C12orf56: variants seen among roughly 807,000 people sequenced by gnomAD.
The protein encoded by C12orf56 is chromosome 12 open reading frame 56.
In C12orf56, 71 loss-of-function variants were observed where a neutral mutation model predicts 69.9. The ratio of observed to expected loss-of-function variants is 1.02; its 90% CI spans 0.84 to 1.24. The LOEUF (loss-of-function observed/expected upper bound fraction) is 1.24, where lower values mean the gene tolerates loss of function less well. C12orf56 is among the 50% of genes most tolerant of loss of function. The probability of loss-of-function intolerance (pLI) is 0.00; values close to 1 mark genes in which losing one functional copy is unlikely to be tolerated. For synonymous variants in C12orf56, 276 were observed against 274.1 expected (o/e 1.01, Z -0.07); for missense variants, 732 against 738.5 (o/e 0.99, Z 0.10).
At chr12:64,316,389 C>T (rs1187072108) in intron 4 of C12orf56, among the ~76,000 whole-genome samples, 1 of 152,074 alleles carries the variant, frequency 6.6e-6, no homozygotes, top group South Asian at 2.1e-4. Context: ...TGAGGCACCA[C>T]GCCTGGCCTT....
intron 3 of C12orf56, among the ~76,000 whole-genome samples, chr12:64,320,593 A>G (rs1395607287): frequency 6.6e-6 from 1 of 152,212 alleles, no homozygotes; most frequent in Non-Finnish European, 1.5e-5. Context: ...CCAGCTCACC[A>G]TGACCTTTCT....
chr12:64,270,510 G>A (rs2037970690), intron 12 of C12orf56, 26 bp downstream of exon 12: 1 of 1,475,968 alleles, frequency 6.8e-7, no homozygotes, highest in Non-Finnish European at 9.1e-7. Flanking sequence ...TCTTACTGCA[G>A]ATTAGATTCA....
intron 1 of C12orf56, among the ~76,000 whole-genome samples, chr12:64,371,658 C>T (rs1000174246): frequency 1.3e-5 from 2 of 151,660 alleles, no homozygotes; most frequent in African/African-American, 4.8e-5. Context: ...TGGTGAAACC[C>T]GGCTCTAAGA....
At chr12:64,298,386 T>G (rs543538616) in intron 6 of C12orf56, among the ~76,000 whole-genome samples, 10 of 152,232 alleles carry the variant, frequency 6.6e-5, no homozygotes, top group Non-Finnish European at 1.5e-4. Context: ...TTAGTTTAAT[T>G]AGATCCCATT....
chr12:64,350,818 T>A (rs115398380), intron 2 of C12orf56, among the ~76,000 whole-genome samples: 2,875 of 152,314 alleles, frequency 0.019, 87 homozygotes, highest in African/African-American at 0.065. Context: ...TGCTGCACTT[T>A]ATGCAAATAA....
intron 4 of C12orf56, among the ~76,000 whole-genome samples, chr12:64,315,824 G>C (rs568571174): frequency 6.6e-5 from 10 of 151,578 alleles, no homozygotes; most frequent in Admixed American, 5.9e-4. Flanking sequence ...CCAGCTACTG[G>C]AGAGGCTGAG....
chr12:64,390,585 G>C lies in C12orf56; in HGVS notation c.-20C>G, dbSNP rs774906795. On this transcript the variant is annotated 5_prime_UTR_variant, in exon 1 of 13. Coordinates refer to ENST00000543942, the MANE Select transcript of C12orf56 (RefSeq NM_001170633.2). ...GGCCATGCCCGGCGCCCGCAGCGTG[G>C]CGGAGTGCTGGGACTCGAGGCCCTC... 2.0e-5 allele frequency: 30 copies of C among 1,537,530 alleles called. No individual in the cohort carries two copies. Among genetic ancestry groups the C allele is most frequent in the Non-Finnish European group, 6.1e-6 (7 of 1,149,460 alleles).
At chr12:64,313,065 C>G (rs1464064526) in intron 4 of C12orf56, among the ~76,000 whole-genome samples, 1 of 151,692 alleles carries the variant, frequency 6.6e-6, no homozygotes, top group African/African-American at 2.4e-5. Flanking sequence ...TTGAGACCAT[C>G]CTGGCTAACA....
chr12:64,271,467 G>A (rs2037989993), intron 11 of C12orf56, among the ~76,000 whole-genome samples: 1 of 152,166 alleles, frequency 6.6e-6, no homozygotes, highest in Admixed American at 6.6e-5. Flanking sequence ...ACTCTTCTGT[G>A]TAATTACAAT....
chr12:64,377,347 C>T (rs1214680749), intron 1 of C12orf56, among the ~76,000 whole-genome samples: 3 of 151,792 alleles, frequency 2.0e-5, no homozygotes, highest in African/African-American at 7.3e-5. Flanking sequence ...GTGCACCACC[C>T]CCAGCTAATT....
At chr12:64,277,650 A>ATATATAT in intron 9 of C12orf56, 30 bp downstream of exon 9, 1 of 1,393,480 alleles carries the variant, frequency 7.2e-7, no homozygotes, top group South Asian at 1.7e-5. Context: ...ATATATATAT[A>ATATATAT]ATAGTTTACC....
intron 12 of C12orf56, among the ~76,000 whole-genome samples, chr12:64,270,252 T>A (rs895111222): frequency 5.2e-4 from 78 of 150,608 alleles, no homozygotes; most frequent in South Asian, 6.4e-4. Flanking sequence ...AAAAAAAAAA[T>A]TAGCCAGGCA....
At chr12:64,327,927 T>A (rs1287442219) in intron 3 of C12orf56, among the ~76,000 whole-genome samples, 4 of 152,154 alleles carry the variant, frequency 2.6e-5, no homozygotes, top group Non-Finnish European at 5.9e-5. Flanking sequence ...AATTTTCTTA[T>A]CCAGAATAAT....
At chr12:64,360,404 G>A (rs373463112) in intron 1 of C12orf56, among the ~76,000 whole-genome samples, 82 of 152,196 alleles carry the variant, frequency 5.4e-4, no homozygotes, top group African/African-American at 1.9e-3. Flanking sequence ...TAGCCTGGGC[G>A]ACAGAGCAAG....
intron 8 of C12orf56, among the ~76,000 whole-genome samples, chr12:64,278,624 C>T (rs564338769): frequency 6.6e-6 from 1 of 152,144 alleles, no homozygotes; most frequent in Non-Finnish European, 1.5e-5. Flanking sequence ...AATCTATTGT[C>T]AGCAATTTTC....
chr12:64,343,716 T>C (rs2039104314), intron 2 of C12orf56, among the ~76,000 whole-genome samples: 1 of 152,240 alleles, frequency 6.6e-6, no homozygotes, highest in African/African-American at 2.4e-5. Context: ...AACAGGGATG[T>C]GGTGAGAATC....
At chr12:64,386,398 A>ATTTTT (rs768370363) in intron 1 of C12orf56, among the ~76,000 whole-genome samples, 2 of 87,340 alleles carry the variant, frequency 2.3e-5, no homozygotes, top group Admixed American at 1.3e-4. Context: ...ATATATATAT[A>ATTTTT]TTTTTTTTTT....
intron 1 of C12orf56, among the ~76,000 whole-genome samples, chr12:64,360,013 C>A (rs909971867): frequency 1.3e-5 from 2 of 151,960 alleles, no homozygotes; most frequent in Non-Finnish European, 2.9e-5. Flanking sequence ...CTGCGTCCAG[C>A]GAAAAGAATT....
At chr12:64,380,764 G>C (rs1428241296) in intron 1 of C12orf56, among the ~76,000 whole-genome samples, 1 of 152,156 alleles carries the variant, frequency 6.6e-6, no homozygotes, top group Non-Finnish European at 1.5e-5. Flanking sequence ...CAAGTACAAA[G>C]GTCCTGAGGT....
Sources: gnomAD v4.1 joint callset for allele counts (sites outside exome capture counted in the v4.1 genomes callset) on GRCh38, gnomAD v4.1.1 for gene constraint, MANE v1.5 for transcripts, NCBI Gene and HGNC (gene_info 2026-07-23, HGNC 2026-07-21) for gene names.